Variants in GRB14 observed in about 807,000 individuals in gnomAD.
GRB14 encodes the protein growth factor receptor bound protein 14.
Under a neutral mutation model 69.1 loss-of-function variants are expected in GRB14, and 38 were observed. That is an observed-to-expected ratio of 0.55 (90% confidence interval 0.42 to 0.72). The LOEUF is 0.72. GRB14 is among the 30% of genes least tolerant of loss of function. The pLI is 0.00. For missense variants in GRB14, 666 were observed against 666.1 expected (o/e 1.00, Z 0.00); for synonymous variants, 247 against 241.3 (o/e 1.02, Z -0.22).
intron 2 of GRB14, among the ~76,000 whole-genome samples, chr2:164,598,476 G>A (rs1558877231): frequency 6.6e-6 from 1 of 152,120 alleles, no homozygotes; most frequent in East Asian, 1.9e-4. Flanking sequence ...ATATTTGAAT[G>A]TTAAATTAAA....
At chr2:164,568,375 C>T in intron 2 of GRB14, 1 of 1,287,972 alleles carries the variant, frequency 7.8e-7, no homozygotes, top group East Asian at 5.6e-5. Flanking sequence ...CACTCAAACT[C>T]ATGCCTGCTC....
chr2:164,525,175 G>T, intron 4 of GRB14, 97 bp from the exon 5 acceptor site: 1 of 824,724 alleles, frequency 1.2e-6, no homozygotes, highest in Non-Finnish European at 2.0e-6. Context: ...TCTTTAAACT[G>T]GTGTGACTAA....
intron 9 of GRB14, among the ~76,000 whole-genome samples, chr2:164,499,642 CTT>C (rs1233669592): frequency 6.6e-6 from 1 of 152,042 alleles, no homozygotes; most frequent in Non-Finnish European, 1.5e-5. Context: ...AATGGCATGA[CTT>C]TCTTTCTTTT....
chr2:164,594,622 G>T (rs975676787), intron 2 of GRB14, among the ~76,000 whole-genome samples: 2 of 152,074 alleles, frequency 1.3e-5, no homozygotes. Context: ...GAGAACTTTG[G>T]ACTCACCCAT....
intron 2 of GRB14, chr2:164,573,605 G>C (rs1046720852): frequency 8.7e-6 from 11 of 1,271,116 alleles, no homozygotes; most frequent in Admixed American, 2.5e-5. Context: ...TTATATAATA[G>C]TTTTATTATT....
At chr2:164,579,227 A>G (rs977771222) in intron 2 of GRB14, among the ~76,000 whole-genome samples, 1 of 152,200 alleles carries the variant, frequency 6.6e-6, no homozygotes, top group Non-Finnish European at 1.5e-5. Flanking sequence ...GATAAAATAC[A>G]TAAGTTAAGG....
At chr2:164,555,634 TATTTATTTTAA>T (rs1287845695) in intron 2 of GRB14, among the ~76,000 whole-genome samples, 2 of 150,372 alleles carry the variant, frequency 1.3e-5, no homozygotes, top group African/African-American at 4.9e-5. Flanking sequence ...TTAAATATTA[TATTTATTTTAA>T]ATTTATTTTA....
chr2:164,613,696 G>C (rs1344444798), intron 2 of GRB14, among the ~76,000 whole-genome samples: 1 of 152,216 alleles, frequency 6.6e-6, no homozygotes, highest in Non-Finnish European at 1.5e-5. Flanking sequence ...TGACTTTCTT[G>C]CTCCCAATTT....
chr2:164,591,523 T>A (rs938288498), intron 2 of GRB14, among the ~76,000 whole-genome samples: 12 of 152,156 alleles, frequency 7.9e-5, no homozygotes, highest in Admixed American at 1.3e-4. Context: ...CAGGTCCAAC[T>A]GCATCCTACA....
intron 2 of GRB14, among the ~76,000 whole-genome samples, chr2:164,598,433 G>A (rs1322181376): frequency 2.0e-5 from 3 of 152,016 alleles, no homozygotes; most frequent in Non-Finnish European, 2.9e-5. Flanking sequence ...GCATACATCT[G>A]TGCACATGAT....
At chr2:164,505,967 G>T (rs1041902377) in intron 8 of GRB14, among the ~76,000 whole-genome samples, 1 of 152,164 alleles carries the variant, frequency 6.6e-6, no homozygotes, top group African/African-American at 2.4e-5. Context: ...TCTGTTTTGG[G>T]TGTCAAACTT....
chr2:164,558,925 A>G (rs1209565129), intron 2 of GRB14, among the ~76,000 whole-genome samples: 6 of 152,212 alleles, frequency 3.9e-5, no homozygotes, highest in Non-Finnish European at 7.3e-5. Flanking sequence ...TCTGGCATCA[A>G]TTGAAGCCCT....
chr2:164,568,168 C>T, intron 2 of GRB14: 1 of 333,362 alleles, frequency 3.0e-6, no homozygotes, highest in Non-Finnish European at 5.5e-6. Flanking sequence ...ATAATATGTC[C>T]TTTAATTTTA....
chr2:164,525,113 T>G (rs1476041285), intron 4 of GRB14, 35 bp from the exon 5 acceptor site: 1 of 1,329,150 alleles, frequency 7.5e-7, no homozygotes, highest in Non-Finnish European at 1.1e-6. Flanking sequence ...ATCACAAAAT[T>G]CATGCTAGAA....
At chr2:164,617,969 G>A (rs941660269) in intron 2 of GRB14, among the ~76,000 whole-genome samples, 4 of 135,672 alleles carry the variant, frequency 2.9e-5, no homozygotes, top group Non-Finnish European at 6.5e-5. Flanking sequence ...TGGGGGGGGG[G>A]GGGTAGTGTC....
At chr2:164,547,837 A>G (rs755999589) in intron 2 of GRB14, 21 bp from the exon 3 acceptor site, 1 of 1,553,716 alleles carries the variant, frequency 6.4e-7, no homozygotes, top group South Asian at 1.2e-5. Flanking sequence ...AGAAACAAGA[A>G]AAAGACCTAA....
At chr2:164,609,206 G>A (rs560013489) in intron 2 of GRB14, among the ~76,000 whole-genome samples, 2 of 152,152 alleles carry the variant, frequency 1.3e-5, no homozygotes, top group African/African-American at 4.8e-5. Flanking sequence ...ACTAAGACTT[G>A]TGGCTAAGGC....
intron 2 of GRB14, among the ~76,000 whole-genome samples, chr2:164,561,433 T>A (rs1329864789): frequency 6.6e-6 from 1 of 152,174 alleles, no homozygotes; most frequent in Non-Finnish European, 1.5e-5. Context: ...AACTCTGACC[T>A]GATGGTTGAA....
At chr2:164,498,973 A>G (rs1157252213) in intron 9 of GRB14, among the ~76,000 whole-genome samples, 1 of 151,868 alleles carries the variant, frequency 6.6e-6, no homozygotes, top group Non-Finnish European at 1.5e-5. Flanking sequence ...TGTAATCTCT[A>G]TTTGCTGTCA....
Sources: allele counts gnomAD v4.1 joint callset (sites outside exome capture counted in the v4.1 genomes callset), GRCh38; gene constraint gnomAD v4.1.1; transcripts MANE v1.5; gene names NCBI Gene and HGNC (gene_info 2026-07-23, HGNC 2026-07-21).